Variants in LRP5 observed in about 807,000 individuals in gnomAD.
LRP5 encodes LDL receptor related protein 5.
Under a neutral mutation model 154.1 loss-of-function variants are expected in LRP5, and 62 were observed. The observed-to-expected ratio is 0.40, with a 90% CI of 0.33 to 0.50. The LOEUF (loss-of-function observed/expected upper bound fraction) is 0.50, where lower values mean the gene tolerates loss of function less well. Among genes scored for constraint, LRP5 ranks in the 20% least tolerant of loss-of-function variants. The pLI is 0.55. For synonymous variants in LRP5, 966 were observed against 1,011.5 expected (o/e 0.96, Z 0.85); for missense variants, 1,915 against 2,336.7 (o/e 0.82, Z 3.72).
At chr11:68,415,254 A>T (rs2098661885) in intron 12 of LRP5, among the ~76,000 whole-genome samples, 1 of 152,136 alleles carries the variant, frequency 6.6e-6, no homozygotes. Flanking sequence ...TTGTGGTGGC[A>T]TGTGCTGCTC....
At chr11:68,309,337 A>G (rs1252947882), upstream of LRP5, among the ~76,000 whole-genome samples, 2 of 151,226 alleles carry the variant, frequency 1.3e-5, no homozygotes, top group African/African-American at 4.9e-5. Flanking sequence ...GGTTCTAGCA[A>G]CTCTCCTGCC....
chr11:68,332,487 G>A (rs1041467278), intron 1 of LRP5, among the ~76,000 whole-genome samples: 7 of 152,222 alleles, frequency 4.6e-5, no homozygotes, highest in Admixed American at 2.0e-4. Flanking sequence ...GGTGAAGTGC[G>A]GGCTCTCTCC....
intron 7 of LRP5, among the ~76,000 whole-genome samples, chr11:68,391,248 C>T (rs1251883713): frequency 5.3e-5 from 8 of 152,320 alleles, no homozygotes; most frequent in South Asian, 4.1e-4. Flanking sequence ...GGATTACAGG[C>T]GTGAGCCACC....
At chr11:68,426,323 G>C (rs1479730483) in intron 16 of LRP5, 136 bp downstream of exon 16, 1 of 704,726 alleles carries the variant, frequency 1.4e-6, no homozygotes, top group East Asian at 2.7e-5. Context: ...GTTGCCCGCT[G>C]GGGTTCAGCG....
chr11:68,433,793 G>A lies in LRP5; in HGVS notation c.3955G>A (p.Gly1319Ser), dbSNP rs968164869. The A allele has an allele frequency of 1.9e-5, 31 of 1,612,608 alleles. No individual in the cohort carries two copies. Among genetic ancestry groups the A allele is most frequent in the Non-Finnish European group, 2.6e-5 (31 of 1,179,742 alleles). The change falls in exon 18 of 23, where the codon GGC becomes AGC. Residue 1319 changes from glycine to serine, a missense_variant. Physicochemically the swap from Gly to Ser is moderately conservative, Grantham distance 56. Around this residue, in one of 3 missense-constraint regions of LRP5, gnomAD observed 1,094 missense variants for 1,210.1 expected, o/e 0.90. Transcript: ENST00000294304. The part of the protein sequence containing the change: ...QCVDLRLRCD[G>S]EADCQDRSDE... ...TGTGGACCTGCGCCTGCGCTGCGAC[G>A]GCGAGGCAGACTGTCAGGACCGCTC...
At chr11:68,330,256 A>T (rs983971701) in intron 1 of LRP5, among the ~76,000 whole-genome samples, 5 of 146,336 alleles carry the variant, frequency 3.4e-5, no homozygotes, top group African/African-American at 1.0e-4. Flanking sequence ...TTGTCAGCAC[A>T]TGCGCGGCCA....
intron 1 of LRP5, among the ~76,000 whole-genome samples, chr11:68,347,454 T>A (rs970161151): frequency 1.6e-4 from 24 of 152,258 alleles, no homozygotes; most frequent in African/African-American, 5.8e-4. Context: ...CATGTCCCCA[T>A]CCCCTGTGTC....
chr11:68,431,886 G>GA (rs397815184), intron 17 of LRP5, among the ~76,000 whole-genome samples: 6 of 151,918 alleles, frequency 3.9e-5, no homozygotes, highest in African/African-American at 7.2e-5. Flanking sequence ...CTGGGCCCTG[G>GA]CCCTCCTGGC....
intron 1 of LRP5, among the ~76,000 whole-genome samples, chr11:68,341,550 T>C (rs1435029177): frequency 6.6e-6 from 1 of 152,128 alleles, no homozygotes; most frequent in Non-Finnish European, 1.5e-5. Context: ...GCTGTGTAGC[T>C]GTGACCCCTG....
chr11:68,438,094 G>A (rs755475663), intron 19 of LRP5, among the ~76,000 whole-genome samples: 4 of 152,214 alleles, frequency 2.6e-5, no homozygotes, highest in South Asian at 2.1e-4. Context: ...GGCTTTGCTC[G>A]TTCACCAACA....
At chr11:68,358,738 A>G (rs74874058) in intron 3 of LRP5, among the ~76,000 whole-genome samples, 2,307 of 152,356 alleles carry the variant, frequency 0.015, 75 homozygotes, top group African/African-American at 0.052. Context: ...TCTGGTCAGC[A>G]TAGCTTCCCA....
chr11:68,368,300 G>A (rs2098632196), intron 5 of LRP5, among the ~76,000 whole-genome samples: 1 of 152,212 alleles, frequency 6.6e-6, no homozygotes, highest in African/African-American at 2.4e-5. Flanking sequence ...AGCAGGGGCT[G>A]AGCCGGAGAC....
In LRP5 at chr11:68,433,652, G is replaced by A. The variant is rs763407700; in HGVS notation, c.3814G>A (p.Asp1272Asn). 5 of 1,613,462 alleles carry A rather than the reference G, an allele frequency of 3.1e-6. No individual in the cohort carries two copies. Among genetic ancestry groups the A allele is most frequent in the Non-Finnish European group, 4.2e-6 (5 of 1,180,004 alleles). Residue 1272 changes from aspartate to asparagine, a missense_variant, in exon 18 of 23, where the codon GAC (aspartate) becomes AAC (asparagine). Physicochemically the swap from Asp to Asn is conservative, Grantham distance 23. Transcript: ENST00000294304. ...GTTTGCATGTGCCACAGGGGAGATC[G>A]ACTGTATCCCCGGGGCCTGGCGCTG... ...DQFACATGEIDCIPGAWRCDG... is the reference protein window; with the variant it reads ...DQFACATGEINCIPGAWRCDG...
At chr11:68,374,775 G>A (rs1302822634) in intron 5 of LRP5, among the ~76,000 whole-genome samples, 1 of 152,170 alleles carries the variant, frequency 6.6e-6, no homozygotes, top group Non-Finnish European at 1.5e-5. Context: ...ACGCAGCTGT[G>A]CTCTTCTGCT....
At chr11:68,334,867 AAAAAT>A (rs775374125) in intron 1 of LRP5, among the ~76,000 whole-genome samples, 24 of 152,272 alleles carry the variant, frequency 1.6e-4, no homozygotes, top group East Asian at 9.6e-4. Context: ...CTCTGTCTCA[AAAAAT>A]AAAATAAAAT....
chr11:68,354,905 C>T (rs1353500439), intron 2 of LRP5, among the ~76,000 whole-genome samples: 2 of 152,220 alleles, frequency 1.3e-5, no homozygotes, highest in Non-Finnish European at 2.9e-5. Flanking sequence ...CCATGTGACA[C>T]CCCTCTTACC....
chr11:68,441,727 G>A (rs1248854375), intron 21 of LRP5, among the ~76,000 whole-genome samples: 1 of 152,192 alleles, frequency 6.6e-6, no homozygotes, highest in East Asian at 1.9e-4. Context: ...TGAGCAGCCA[G>A]CTAATTTTTT....
chr11:68,375,984 A>ACTT (rs1270654122), intron 5 of LRP5, among the ~76,000 whole-genome samples: 2 of 152,158 alleles, frequency 1.3e-5, no homozygotes, highest in East Asian at 3.9e-4. Flanking sequence ...ATCTTCTGTC[A>ACTT]GTTGGGGCAG....
At chr11:68,319,072 G>GT (rs59893808) in intron 1 of LRP5, among the ~76,000 whole-genome samples, 4,775 of 92,074 alleles carry the variant, frequency 0.052, 161 homozygotes, top group Non-Finnish European at 0.067. Flanking sequence ...CTGGCTCCTT[G>GT]TTTTTTTTTT....
Sources: gnomAD v4.1 joint callset for allele counts (sites outside exome capture counted in the v4.1 genomes callset) on GRCh38, gnomAD v4.1.1 for gene constraint, gnomAD v4.1.1 regional missense constraint, MANE v1.5 for transcripts, NCBI Gene and HGNC (gene_info 2026-07-23, HGNC 2026-07-21) for gene names.